CYTH3: variants seen among roughly 807,000 people sequenced by gnomAD.
CYTH3 encodes the protein cytohesin 3.
Under a neutral mutation model 55.1 loss-of-function variants are expected in CYTH3, and 23 were observed. That is an observed-to-expected ratio of 0.42 (90% confidence interval 0.30 to 0.59). The LOEUF (loss-of-function observed/expected upper bound fraction) is 0.59. CYTH3 is among the 20% of genes least tolerant of loss of function. The pLI is 0.20. For missense variants in CYTH3, 413 were observed against 524.8 expected, an observed-to-expected ratio of 0.79 and a Z score of 2.08; for synonymous variants, 249 against 194.9, an observed-to-expected ratio of 1.28 and a Z score of -2.31.
intron 1 of CYTH3, among the ~76,000 whole-genome samples, chr7:6,246,135 C>T (rs1331357732): frequency 1.3e-5 from 2 of 151,864 alleles, no homozygotes; most frequent in Non-Finnish European, 2.9e-5. Flanking sequence ...GACTGGAACG[C>T]AGAGACATGA....
chr7:6,208,679 G>A (rs1285411679), intron 1 of CYTH3, among the ~76,000 whole-genome samples: 1 of 152,160 alleles, frequency 6.6e-6, no homozygotes, highest in Non-Finnish European at 1.5e-5. Context: ...AAGTATCTGG[G>A]ACTACAGGAG....
intron 1 of CYTH3, among the ~76,000 whole-genome samples, chr7:6,223,383 CGAAAA>C (rs1223174288): frequency 6.6e-6 from 1 of 151,824 alleles, no homozygotes; most frequent in Non-Finnish European, 1.5e-5. Context: ...GCGGTTTTGT[CGAAAA>C]GAAAAGGGGG....
intron 1 of CYTH3, among the ~76,000 whole-genome samples, chr7:6,207,191 T>A (rs1166794173): frequency 4.8e-5 from 7 of 145,152 alleles, no homozygotes; most frequent in Non-Finnish European, 1.0e-4. Context: ...ACCTCCTGGG[T>A]TCACGCCATT....
chr7:6,238,924 T>TAAA (rs952801537), intron 1 of CYTH3, among the ~76,000 whole-genome samples: 1 of 148,344 alleles, frequency 6.7e-6, no homozygotes, highest in Middle Eastern at 3.4e-3. Flanking sequence ...ATAATAATAA[T>TAAA]AAAAAAAAGC....
At position 6,217,873 on chromosome 7, in the gene CYTH3, T is replaced by C. The variant is rs552306505; in HGVS notation, c.35-27342A>G. On this transcript the variant is annotated intron_variant, in intron 1 of 12. Transcript: ENST00000350796. ...GGAACTCTGCAAATAGAATTAAGAATTTTAGATTAAAAAAAAAATAGATGG... is the reference window on the plus strand; with the variant it reads ...GGAACTCTGCAAATAGAATTAAGAACTTTAGATTAAAAAAAAAATAGATGG... Among the ~76,000 whole-genome samples, 8 of 152,116 alleles carry C rather than the reference T, an allele frequency of 5.3e-5. No individual in the cohort carries two copies. The South Asian group carries it at 1.7e-3, about 32-fold the overall frequency.
intron 1 of CYTH3, among the ~76,000 whole-genome samples, chr7:6,250,292 A>G (rs374783935): frequency 3.3e-5 from 5 of 152,366 alleles, no homozygotes; most frequent in African/African-American, 1.2e-4. Context: ...GGATTTCAAT[A>G]GCAAGGATTT....
chr7:6,223,898 C>T (rs1025591250), intron 1 of CYTH3, among the ~76,000 whole-genome samples: 1 of 142,052 alleles, frequency 7.0e-6, no homozygotes, highest in South Asian at 2.4e-4. Flanking sequence ...CAGATTAATT[C>T]TCCAGAATTG....
chr7:6,213,344 T>C (rs973760739), intron 1 of CYTH3, among the ~76,000 whole-genome samples: 1 of 152,216 alleles, frequency 6.6e-6, no homozygotes, highest in Admixed American at 6.5e-5. Context: ...CTATCCGTTG[T>C]TGCATGGTAT....
intron 1 of CYTH3, among the ~76,000 whole-genome samples, chr7:6,233,167 G>GT (rs1779430019): frequency 6.6e-6 from 1 of 152,052 alleles, no homozygotes; most frequent in Admixed American, 6.5e-5. Context: ...GATCACCTAG[G>GT]TTTTCAGCAC....
chr7:6,272,408 T>TCGGGGGGGGGGGGGG, intron 1 of CYTH3, 66 bp downstream of exon 1: 1 of 1,207,030 alleles, frequency 8.3e-7, no homozygotes, highest in Non-Finnish European at 1.1e-6. Context: ...CGCCGCGCCC[T>TCGGGGGGGGGGGGGG]CGACCCCCAG....
intron 1 of CYTH3, among the ~76,000 whole-genome samples, chr7:6,243,355 G>A (rs941311422): frequency 2.0e-5 from 3 of 152,288 alleles, no homozygotes; most frequent in South Asian, 2.1e-4. Context: ...CCCCAGCAGC[G>A]GTCAGTGACA....
intron 1 of CYTH3, among the ~76,000 whole-genome samples, chr7:6,255,912 C>G (rs1375610329): frequency 6.6e-6 from 1 of 151,660 alleles, no homozygotes; most frequent in Non-Finnish European, 1.5e-5. Flanking sequence ...TACAGGTGCC[C>G]GCCACTACGC....
chr7:6,253,059 C>T (rs1488645868), intron 1 of CYTH3, among the ~76,000 whole-genome samples: 5 of 152,018 alleles, frequency 3.3e-5, no homozygotes, highest in Non-Finnish European at 7.4e-5. Flanking sequence ...GTCACTTTTA[C>T]CTTGAATCAA....
chr7:6,223,254 G>C (rs1172894503), intron 1 of CYTH3, among the ~76,000 whole-genome samples: 1 of 150,602 alleles, frequency 6.6e-6, no homozygotes, highest in Admixed American at 6.6e-5. Flanking sequence ...AGGAGCGCCT[G>C]TGCCAGGCCG....
chr7:6,177,510 G>A (rs915679381), intron 5 of CYTH3, among the ~76,000 whole-genome samples: 1 of 152,218 alleles, frequency 6.6e-6, no homozygotes, highest in African/African-American at 2.4e-5. Flanking sequence ...AACAGAAGAC[G>A]ATTAAGATGC....
At chr7:6,165,486 G>A (rs1782971498) in intron 11 of CYTH3, 59 bp from the exon 12 acceptor site, 1 of 1,609,636 alleles carries the variant, frequency 6.2e-7, no homozygotes, top group East Asian at 2.2e-5. Context: ...TTCCCTGCAG[G>A]CAGTGAGGAT....
intron 1 of CYTH3, among the ~76,000 whole-genome samples, chr7:6,192,879 G>T (rs933943245): frequency 2.3e-4 from 35 of 151,990 alleles, no homozygotes; most frequent in Middle Eastern, 3.4e-3. Context: ...CTTAGAAAAT[G>T]GGCAAATGGG....
chr7:6,236,670 T>A (rs1779532576), intron 1 of CYTH3, among the ~76,000 whole-genome samples: 1 of 152,108 alleles, frequency 6.6e-6, no homozygotes, highest in African/African-American at 2.4e-5. Flanking sequence ...GCAATTCTCC[T>A]CCTGCCTCAG....
intron 1 of CYTH3, among the ~76,000 whole-genome samples, chr7:6,217,407 AAAAG>A (rs1203308793): frequency 1.3e-5 from 2 of 152,224 alleles, no homozygotes; most frequent in African/African-American, 4.8e-5. Flanking sequence ...AACATTAATA[AAAAG>A]AAAGCAGGTG....
Sources: allele counts gnomAD v4.1 joint callset (sites outside exome capture counted in the v4.1 genomes callset), GRCh38; gene constraint gnomAD v4.1.1; transcripts MANE v1.5; gene names NCBI Gene and HGNC (gene_info 2026-07-23, HGNC 2026-07-21).